The following KLHL13 variants were observed in gnomAD, a reference collection of about 807,000 sequenced individuals.
KLHL13 encodes kelch-like protein 13.
In KLHL13, 10 loss-of-function variants were observed where a neutral mutation model predicts 37.1. That is an observed-to-expected ratio of 0.27 (90% CI 0.17 to 0.46). The LOEUF (loss-of-function observed/expected upper bound fraction) is 0.46. Ranked by LOEUF, KLHL13 falls within the 20% of genes least tolerant of loss-of-function variation. The pLI is 1.00. For synonymous variants in KLHL13, 163 were observed against 181.2 expected, an observed-to-expected ratio of 0.90 and a Z score of 0.81; for missense variants, 360 against 509.3, an observed-to-expected ratio of 0.71 and a Z score of 2.82.
intron 1 of KLHL13, among the ~76,000 whole-genome samples, chrX:118,006,725 A>G (rs766998647): frequency 1.8e-5 from 2 of 110,222 alleles, no homozygotes; most frequent in Non-Finnish European, 3.8e-5. Flanking sequence ...TTCTAAAAAC[A>G]AAAAAAAAGG....
At chrX:117,943,995 C>T (rs1019163085) in intron 2 of KLHL13, among the ~76,000 whole-genome samples, 2 of 110,872 alleles carry the variant, frequency 1.8e-5, no homozygotes, top group African/African-American at 6.6e-5. Flanking sequence ...ATGTTGGTGA[C>T]CTTCAGATGC....
exon 1 of KLHL13, chrX:117,972,840 G>A (rs753617833): frequency 1.7e-5 from 21 of 1,206,501 alleles, no homozygotes; most frequent in East Asian, 5.9e-5. Flanking sequence ...TTGTCACCAC[G>A]GTACTACAAT....
At chrX:118,077,562 G>A (rs1218450604) in intron 1 of KLHL13, among the ~76,000 whole-genome samples, 3 of 110,385 alleles carry the variant, frequency 2.7e-5, no homozygotes, top group Admixed American at 9.7e-5. Context: ...GAAATAAACA[G>A]GCCCTAGAAA....
chrX:117,983,632 T>G, intron 1 of KLHL13: 2 of 534,215 alleles, frequency 3.7e-6, no homozygotes, highest in Middle Eastern at 4.6e-4. Context: ...CTGACAGCAT[T>G]TTAGCTGTAA....
intron 1 of KLHL13, among the ~76,000 whole-genome samples, chrX:118,081,936 T>C (rs1471086387): frequency 2.0e-5 from 2 of 101,531 alleles, no homozygotes; most frequent in East Asian, 6.0e-4. Flanking sequence ...TGAATAGTAT[T>C]CCATTGTGTG....
exon 5 of KLHL13, chrX:117,909,815 A>G (rs1307767989): frequency 8.3e-7 from 1 of 1,210,742 alleles, no homozygotes; most frequent in East Asian, 3.0e-5. Flanking sequence ...TCATCAGTGG[A>G]AATCGTATGT....
intron 1 of KLHL13, among the ~76,000 whole-genome samples, chrX:117,951,780 T>G (rs921445171): frequency 2.7e-5 from 3 of 112,557 alleles, no homozygotes; most frequent in African/African-American, 9.7e-5. Context: ...TGCTGTGTAC[T>G]AAGCACTGTG....
At chrX:118,018,359 G>C (rs769143934) in intron 1 of KLHL13, among the ~76,000 whole-genome samples, 3 of 111,594 alleles carry the variant, frequency 2.7e-5, no homozygotes, top group African/African-American at 9.7e-5. Flanking sequence ...GCTTTTGCAC[G>C]TGACAATGTT....
rs374338614 is a variant in KLHL13, at chrX:117,920,296, G to C, written c.315C>G (p.Phe105Leu). ...ATGCCATCATGACTCTATGCACAGG[G>C]AAAGCATCATCTGTGTCACCTGGCA... The change falls in exon 3 of 7, where the codon TTC becomes TTG. Residue 105 changes from phenylalanine to leucine, a missense_variant. Physicochemically the swap from Phe to Leu is conservative, Grantham distance 22. This residue lies in a region of KLHL13 where 194 missense variants were observed against 225.0 expected (regional missense o/e 0.86). Coordinates refer to ENST00000262820, the Ensembl canonical transcript of KLHL13. 6 of 1,204,652 alleles carry C rather than the reference G, an allele frequency of 5.0e-6. No individual in the cohort carries two copies. Among genetic ancestry groups the C allele is most frequent in the Admixed American group, 4.4e-5 (2 of 45,257 alleles).
intron 1 of KLHL13, among the ~76,000 whole-genome samples, chrX:118,104,731 C>G (rs1024428429): frequency 1.2e-4 from 13 of 111,848 alleles, no homozygotes; most frequent in Non-Finnish European, 2.3e-4. Context: ...GTAGTACCAA[C>G]AGACACACTA....
chrX:118,037,071 A>G (rs2054453652), intron 1 of KLHL13, among the ~76,000 whole-genome samples: 2 of 91,520 alleles, frequency 2.2e-5, no homozygotes, highest in Non-Finnish European at 2.2e-5. Context: ...TTAGAATGGC[A>G]ATCATTAAAA....
intron 1 of KLHL13, among the ~76,000 whole-genome samples, chrX:118,072,491 C>A (rs112818717): frequency 1.6e-3 from 171 of 110,069 alleles, no homozygotes; most frequent in African/African-American, 5.0e-3. Context: ...GGATCTAATT[C>A]AACTAAAGAG....
chrX:118,020,054 A>G (rs1473160284), intron 1 of KLHL13, among the ~76,000 whole-genome samples: 4 of 110,529 alleles, frequency 3.6e-5, no homozygotes, highest in African/African-American at 6.6e-5. Flanking sequence ...CTTGATGGGG[A>G]TGGCACTGAA....
chrX:117,923,894 G>T (rs1931861275), intron 2 of KLHL13, among the ~76,000 whole-genome samples: 1 of 111,082 alleles, frequency 9.0e-6, no homozygotes, highest in Non-Finnish European at 1.9e-5. Flanking sequence ...AGTATAATCT[G>T]GTGTCCCAAA....
intron 1 of KLHL13, among the ~76,000 whole-genome samples, chrX:118,025,608 A>G (rs983404611): frequency 3.1e-4 from 35 of 111,804 alleles, no homozygotes; most frequent in African/African-American, 8.8e-4. Context: ...AAGAGAAGCC[A>G]TAAAGGGTTT....
At chrX:118,069,924 T>A (rs958920049) in intron 1 of KLHL13, among the ~76,000 whole-genome samples, 1 of 112,522 alleles carries the variant, frequency 8.9e-6, no homozygotes, top group Admixed American at 9.4e-5. Context: ...CCATTCATGA[T>A]AAATGCCCTA....
At chrX:117,985,706 AT>A (rs1380375079) in intron 1 of KLHL13, among the ~76,000 whole-genome samples, 3 of 110,386 alleles carry the variant, frequency 2.7e-5, no homozygotes, top group South Asian at 3.8e-4. Context: ...AAGTAACCTT[AT>A]TTTTTTAAGG....
chrX:117,930,688 A>G (rs777606214), intron 2 of KLHL13, among the ~76,000 whole-genome samples: 1 of 111,705 alleles, frequency 9.0e-6, no homozygotes, highest in South Asian at 3.8e-4. Context: ...CTTTTATCCT[A>G]AAGATGCACA....
intron 1 of KLHL13, among the ~76,000 whole-genome samples, chrX:118,105,149 C>A (rs1307344463): frequency 1.8e-5 from 2 of 112,536 alleles, no homozygotes; most frequent in African/African-American, 6.5e-5. Flanking sequence ...ACGTTCCTTG[C>A]TTTTCAATAA....
Sources: gnomAD v4.1 joint callset for allele counts (sites outside exome capture counted in the v4.1 genomes callset) on GRCh38, gnomAD v4.1.1 for gene constraint, gnomAD v4.1.1 regional missense constraint, MANE v1.5 for transcripts, NCBI Gene and HGNC (gene_info 2026-07-23, HGNC 2026-07-21) for gene names.